Variants in CNOT1 observed in about 807,000 individuals in gnomAD.
CNOT1 encodes CCR4-associated factor 1.
CNOT1 carries 15 observed loss-of-function variants against 273.8 expected under a neutral mutation model. The ratio of observed to expected loss-of-function variants is 0.05; its 90% CI spans 0.04 to 0.08. CNOT1 has a LOEUF of 0.08. Ranked by LOEUF, CNOT1 falls within the 10% of genes least tolerant of loss-of-function variation. The pLI is 1.00. For missense variants in CNOT1, 1,644 were observed against 2,912.2 expected, an observed-to-expected ratio of 0.56 and a Z score of 10.02; for synonymous variants, 1,022 against 1,005.5, an observed-to-expected ratio of 1.02 and a Z score of -0.31.
At chr16:58,549,295 T>TG (rs368223231) in intron 25 of CNOT1, among the ~76,000 whole-genome samples, 5,417 of 44,274 alleles carry the variant, frequency 0.12, 124 homozygotes, top group Non-Finnish European at 0.18. Context: ...TCAAAAAAAT[T>TG]GAAAAAAAAA....
Position 58,576,722 on chromosome 16 carries a change from A to T in CNOT1, c.1585-140T>A, listed in dbSNP as rs529081044. The stretch of plus-strand genomic sequence containing the variant: ...TGACATTAAGTTCAGGCCTCAAACT[A>T]TGCAATTACCGTGACGTTCTTTATG... On this transcript the variant is annotated intron_variant, in intron 13 of 48. Transcript: ENST00000317147. 13 of 1,351,110 alleles carry T rather than the reference A, an allele frequency of 9.6e-6. No individual in the cohort carries two copies. The East Asian group carries it at 3.1e-4, about 32-fold the overall frequency. The allele number at this position is 1,351,110 out of a possible 1,614,324, so 83.7% of individuals were successfully genotyped here. A position where few individuals can be genotyped will look rare whatever the true frequency, so the allele number is the denominator to read the frequency against.
At chr16:58,546,887 C>T (rs1157705990) in intron 27 of CNOT1, 138 bp from the exon 28 acceptor site, 1 of 1,152,118 alleles carries the variant, frequency 8.7e-7, no homozygotes, top group Non-Finnish European at 1.2e-6. Context: ...AAAAAATAAC[C>T]AAAAACAGTT....
chr16:58,600,676 A>C (rs1277830253), intron 1 of CNOT1, among the ~76,000 whole-genome samples: 2 of 152,204 alleles, frequency 1.3e-5, no homozygotes, highest in Non-Finnish European at 2.9e-5. Context: ...TGCTTCCTGC[A>C]TTGCTGAAAC....
chr16:58,544,229 G>A (rs1352830364), intron 30 of CNOT1, among the ~76,000 whole-genome samples: 1 of 152,060 alleles, frequency 6.6e-6, no homozygotes, highest in African/African-American at 2.4e-5. Context: ...GCTCTTAAAA[G>A]AAAGCAACTT....
chr16:58,598,041 A>T (rs902862041), intron 2 of CNOT1: 1 of 181,212 alleles, frequency 5.5e-6, no homozygotes, highest in African/African-American at 2.4e-5. Flanking sequence ...AGGCGGGCAG[A>T]TCACCTGAGG....
chr16:58,607,264 A>G (rs905986121), intron 1 of CNOT1, among the ~76,000 whole-genome samples: 8 of 152,216 alleles, frequency 5.3e-5, no homozygotes, highest in Non-Finnish European at 1.0e-4. Context: ...CAGAGCATGA[A>G]AGATGGCTGG....
At chr16:58,594,934 G>A (rs754058274) in intron 2 of CNOT1, among the ~76,000 whole-genome samples, 88 of 151,918 alleles carry the variant, frequency 5.8e-4, no homozygotes, top group Non-Finnish European at 1.1e-3. Flanking sequence ...GGCCAAGATG[G>A]TGAAACCGTC....
chr16:58,598,874 A>G (rs2042363189), intron 2 of CNOT1: 3 of 204,184 alleles, frequency 1.5e-5, no homozygotes, highest in South Asian at 8.7e-5. Flanking sequence ...ACTGACCAAC[A>G]TGGTGAAACC....
chr16:58,536,881 A>C, intron 39 of CNOT1, 108 bp downstream of exon 39: 1 of 1,477,206 alleles, frequency 6.8e-7, no homozygotes, highest in Non-Finnish European at 9.0e-7. Context: ...TTGCATGAGT[A>C]TGGAGGTAAC....
Position 58,581,441 on chromosome 16 carries a change from T to A in CNOT1, c.1119A>T (p.Gly373=), listed in dbSNP as rs2041654912. 6.2e-7 allele frequency: 1 copy of A among 1,614,046 alleles called. No homozygotes were observed. The highest frequency in any genetic ancestry group is 8.5e-7 in the Non-Finnish European group (1 of 1,179,996). Residue 373 remains glycine, a synonymous_variant, in exon 11 of 49, where the codon GGA becomes GGT. Transcript: ENST00000317147. Reference sequence around the variant, plus strand: ...GAATGCCATAAACCACATTATGAAGTCCTTTACTGTCACGAATTTGAAATC... The same window carrying A: ...GAATGCCATAAACCACATTATGAAGACCTTTACTGTCACGAATTTGAAATC... ...HPGFQIRDSK[G]LHNVVYGIQR... is the part of the protein sequence containing the mutation.
chr16:58,626,971 G>A (rs1359187051), intron 1 of CNOT1, among the ~76,000 whole-genome samples: 6 of 151,898 alleles, frequency 4.0e-5, no homozygotes, highest in African/African-American at 1.2e-4. Context: ...ACTTGCCTGG[G>A]CCAAAAAAAT....
rs755952335 is a variant in CNOT1, at chr16:58,587,428, A to T, written c.310-15T>A. ...GGCTTTAAACTCTGAAACAAACCAAATTTTAGTTTAAAATAAGAACTTACT... is the reference window on the plus strand; with the variant it reads ...GGCTTTAAACTCTGAAACAAACCAATTTTTAGTTTAAAATAAGAACTTACT... On this transcript the variant is annotated splice_polypyrimidine_tract_variant and intron_variant, in intron 4 of 48. Coordinates refer to ENST00000317147, the MANE Select transcript of CNOT1 (RefSeq NM_016284.5). The T allele has an allele frequency of 1.2e-6, 2 of 1,610,690 alleles. No individual in the cohort carries two copies. Among genetic ancestry groups the T allele is most frequent in the African/African-American group, 2.7e-5 (2 of 74,854 alleles).
At chr16:58,555,140 C>T in intron 21 of CNOT1, 111 bp downstream of exon 21, 1 of 1,475,982 alleles carries the variant, frequency 6.8e-7, no homozygotes, top group East Asian at 2.3e-5. Context: ...CCCGCAAGGT[C>T]AAGGCTGCAG....
chr16:58,530,467 ATGTT>A, intron 42 of CNOT1, 120 bp from the exon 43 acceptor site: 1 of 620,094 alleles, frequency 1.6e-6, no homozygotes, highest in Non-Finnish European at 2.7e-6. Flanking sequence ...GAGAATACTA[ATGTT>A]AAGTACTTTT....
In CNOT1 at chr16:58,539,747, AG is replaced by A. The variant is rs753431285; in HGVS notation, c.4992+20del. ...GTTTACACACCTAGCATTTTCTAAA[AG>A]TAATAGCTTAAGAACCAACCTTTTG... On this transcript the variant is annotated intron_variant, in intron 35 of 48. Transcript: ENST00000317147. 6.3e-7 allele frequency: 1 copy of A among 1,586,694 alleles called. No individual in the cohort carries two copies. The highest frequency in any genetic ancestry group is 1.1e-5 in the South Asian group (1 of 87,658).
At chr16:58,521,385 C>G in intron 47 of CNOT1, 68 bp from the exon 48 acceptor site, 1 of 1,495,860 alleles carries the variant, frequency 6.7e-7, no homozygotes, top group East Asian at 2.3e-5. Flanking sequence ...TCTTCCATTA[C>G]TTTTTTTCTA....
intron 1 of CNOT1, among the ~76,000 whole-genome samples, chr16:58,619,844 TA>T (rs1301229778): frequency 6.6e-6 from 1 of 152,064 alleles, no homozygotes; most frequent in Non-Finnish European, 1.5e-5. Flanking sequence ...TCTATCCAAA[TA>T]AAAGGTTGGG....
At chr16:58,543,187 T>C (rs2040148017) in intron 31 of CNOT1, 3 of 1,473,254 alleles carry the variant, frequency 2.0e-6, no homozygotes, top group East Asian at 5.3e-5. Context: ...TTAACCATGA[T>C]ATCTGAGACT....
At chr16:58,524,327 C>T (rs570850986) in intron 46 of CNOT1, among the ~76,000 whole-genome samples, 1 of 151,100 alleles carries the variant, frequency 6.6e-6, no homozygotes, top group African/African-American at 2.4e-5. Context: ...ACCCAGCCCA[C>T]ATTTTGATTA....
Sources: allele counts gnomAD v4.1 joint callset (sites outside exome capture counted in the v4.1 genomes callset), GRCh38; gene constraint gnomAD v4.1.1; transcripts MANE v1.5; gene names NCBI Gene and HGNC (gene_info 2026-07-23, HGNC 2026-07-21).